The following CD86 variants were observed in gnomAD, a reference collection of about 807,000 sequenced individuals.
CD86 encodes the protein T-lymphocyte activation antigen CD86.
CD86 carries 11 observed loss-of-function variants against 32.1 expected under a neutral mutation model. The ratio of observed to expected loss-of-function variants is 0.34; its 90% CI spans 0.22 to 0.57. CD86 has a LOEUF of 0.57. CD86 is among the 20% of genes least tolerant of loss of function. The pLI is 0.86. For synonymous variants in CD86, 137 were observed against 135.3 expected, an observed-to-expected ratio of 1.01 and a Z score of -0.09; for missense variants, 359 against 398.4, an observed-to-expected ratio of 0.90 and a Z score of 0.84.
At chr3:122,093,953 G>GT (rs2072868416) in intron 2 of CD86, among the ~76,000 whole-genome samples, 1 of 152,216 alleles carries the variant, frequency 6.6e-6, no homozygotes, top group Non-Finnish European at 1.5e-5. Context: ...AACTCTTGTG[G>GT]TAAACCATGA....
intron 5 of CD86, among the ~76,000 whole-genome samples, chr3:122,115,089 C>T (rs1400589905): frequency 6.6e-6 from 1 of 152,068 alleles, no homozygotes. Context: ...TCTTTTTTCA[C>T]AGATAATGAT....
In CD86 at chr3:122,119,707, G is replaced by A. The variant is rs764807335; in HGVS notation, c.*173G>A. ...CTCCCTGTAACTCCAGCTCTGCTCC[G>A]TATGCCAAGAGGAGACTTTAATTCT... On this transcript the variant is annotated 3_prime_UTR_variant, in exon 7 of 7. Transcript: ENST00000330540. The A allele has an allele frequency of 4.5e-5, 26 of 576,060 alleles. No individual in the cohort carries two copies. The highest frequency in any genetic ancestry group is 7.5e-5 in the African/African-American group (4 of 53,014). 35.7% of individuals were successfully genotyped at this position (576,060 alleles called of 1,614,324 possible).
intron 1 of CD86, among the ~76,000 whole-genome samples, chr3:122,068,400 A>G (rs1213279813): frequency 6.6e-6 from 1 of 152,226 alleles, no homozygotes; most frequent in Non-Finnish European, 1.5e-5. Flanking sequence ...CGTTTAGAAT[A>G]TTACCTCATT....
intron 3 of CD86, 104 bp downstream of exon 3, chr3:122,103,951 G>T: frequency 1.1e-6 from 1 of 919,658 alleles, no homozygotes. Context: ...CAGGGGAAAA[G>T]GGGGGTCTAT....
chr3:122,103,452 G>T (rs1158878810), intron 2 of CD86, 60 bp from the exon 3 acceptor site: 1 of 1,080,534 alleles, frequency 9.3e-7, no homozygotes, highest in Non-Finnish European at 1.4e-6. Flanking sequence ...AAAGAGAAAT[G>T]GAGGTTTTTT....
At chr3:122,094,266 A>G (rs2072873088) in intron 2 of CD86, among the ~76,000 whole-genome samples, 1 of 152,246 alleles carries the variant, frequency 6.6e-6, no homozygotes, top group Non-Finnish European at 1.5e-5. Context: ...GAGACACTCT[A>G]TGAAAACTGA....
chr3:122,116,299 A>G (rs1178932424), intron 5 of CD86, among the ~76,000 whole-genome samples: 1 of 152,208 alleles, frequency 6.6e-6, no homozygotes, highest in Non-Finnish European at 1.5e-5. Flanking sequence ...CATTAGTAAG[A>G]AGACAATCCA....
At chr3:122,058,513 G>A (rs181974496) in intron 1 of CD86, among the ~76,000 whole-genome samples, 10 of 152,272 alleles carry the variant, frequency 6.6e-5, no homozygotes, top group Non-Finnish European at 1.5e-4. Flanking sequence ...TGGGCTTCAC[G>A]GGAGGTTAAT....
intron 1 of CD86, among the ~76,000 whole-genome samples, chr3:122,059,896 C>T (rs943998983): frequency 2.0e-5 from 3 of 152,144 alleles, no homozygotes; most frequent in African/African-American, 4.8e-5. Context: ...AGGGCGAAGA[C>T]GGCCATCCAC....
chr3:122,066,781 C>A, intron 1 of CD86, among the ~76,000 whole-genome samples: 1 of 152,118 alleles, frequency 6.6e-6, no homozygotes, highest in South Asian at 2.1e-4. Context: ...GGAAATGAAA[C>A]ACGTTCCCCA....
At chr3:122,088,707 G>A (rs1278602787) in intron 1 of CD86, among the ~76,000 whole-genome samples, 1 of 152,220 alleles carries the variant, frequency 6.6e-6, no homozygotes, top group Non-Finnish European at 1.5e-5. Flanking sequence ...AGAAATTGGA[G>A]CTCTTGTTCC....
At chr3:122,090,629 G>T (rs1389957867) in intron 1 of CD86, among the ~76,000 whole-genome samples, 4 of 150,910 alleles carry the variant, frequency 2.7e-5, no homozygotes, top group African/African-American at 7.4e-5. Context: ...CCTGTGTATG[G>T]CCATACCATC....
chr3:122,084,929 G>A (rs1204066853), intron 1 of CD86, among the ~76,000 whole-genome samples: 1 of 152,120 alleles, frequency 6.6e-6, no homozygotes, highest in Non-Finnish European at 1.5e-5. Context: ...GTTTAGGCTG[G>A]TCCTGTTATG....
Position 122,119,664 on chromosome 3 carries a change from C to A in CD86, c.*130C>A. ...TGAGTAATAAGGGGGCTCCAGGACTCCCTCTAAGTGGAATAGCCTCCCTGT... is the reference window on the plus strand; with the variant it reads ...TGAGTAATAAGGGGGCTCCAGGACTACCTCTAAGTGGAATAGCCTCCCTGT... On this transcript the variant is annotated 3_prime_UTR_variant, in exon 7 of 7. Coordinates refer to ENST00000330540, the MANE Select transcript of CD86 (RefSeq NM_175862.5). The A allele has an allele frequency of 1.6e-6, 1 of 629,002 alleles. No individual in the cohort carries two copies. Among genetic ancestry groups the A allele is most frequent in the Non-Finnish European group, 2.8e-6 (1 of 351,030 alleles). The allele number at this position is 629,002 out of a possible 1,614,324, so 39.0% of individuals were successfully genotyped here.
At chr3:122,101,227 C>T (rs758733791) in intron 2 of CD86, among the ~76,000 whole-genome samples, 6 of 151,998 alleles carry the variant, frequency 3.9e-5, no homozygotes, top group Non-Finnish European at 7.4e-5. Flanking sequence ...GCTGCTCAAA[C>T]TATAGCTCTT....
intron 2 of CD86, among the ~76,000 whole-genome samples, chr3:122,101,507 A>ATATATATATAT (rs1166770159): frequency 1.6e-4 from 13 of 79,768 alleles, no homozygotes; most frequent in African/African-American, 6.4e-4. Context: ...AAAAAAAAAA[A>ATATATATATAT]AAAAAAATAT....
At chr3:122,118,743 C>T (rs561768762) in intron 6 of CD86, among the ~76,000 whole-genome samples, 3 of 152,160 alleles carry the variant, frequency 2.0e-5, no homozygotes, top group Non-Finnish European at 2.9e-5. Flanking sequence ...GAGACCATAC[C>T]AGTTAAGCTC....
chr3:122,097,687 G>T (rs2072929494), intron 2 of CD86, among the ~76,000 whole-genome samples: 1 of 152,196 alleles, frequency 6.6e-6, no homozygotes, highest in Non-Finnish European at 1.5e-5. Flanking sequence ...AGGGCTAGGA[G>T]TGGAAAAGTA....
chr3:122,120,931 G>A lies in CD86; in HGVS notation c.*1397G>A, dbSNP rs535489458. 6.6e-6 allele frequency: 1 copy of A among 152,312 alleles called. No homozygotes were observed. The highest frequency in any genetic ancestry group is 2.1e-4 in the South Asian group (1 of 4,824). The allele number at this position is 152,312 out of a possible 1,614,324, so 9.4% of individuals were successfully genotyped here. ...GGGGCAGTCTCTGCCCAAACATAAAGAGAACTCTGGGGAGCCTGAGCCACA... is the reference window on the plus strand; with the variant it reads ...GGGGCAGTCTCTGCCCAAACATAAAAAGAACTCTGGGGAGCCTGAGCCACA... On this transcript the variant is annotated 3_prime_UTR_variant, in exon 7 of 7. Transcript: ENST00000330540.
Sources: gnomAD v4.1 joint callset for allele counts (sites outside exome capture counted in the v4.1 genomes callset) on GRCh38, gnomAD v4.1.1 for gene constraint, MANE v1.5 for transcripts, NCBI Gene and HGNC (gene_info 2026-07-23, HGNC 2026-07-21) for gene names.